Variants in CDH8 observed in about 807,000 individuals in gnomAD.
The protein encoded by CDH8 is cadherin-8.
In CDH8, 17 loss-of-function variants were observed where a neutral mutation model predicts 68.1. That is an observed-to-expected ratio of 0.25 (90% CI 0.17 to 0.37). The LOEUF (loss-of-function observed/expected upper bound fraction) is 0.37. Ranked by LOEUF, CDH8 falls within the 10% of genes least tolerant of loss-of-function variation. CDH8 has a pLI of 1.00. For synonymous variants in CDH8, 372 were observed against 365.1 expected, an observed-to-expected ratio of 1.02 and a Z score of -0.21; for missense variants, 763 against 999.3, an observed-to-expected ratio of 0.76 and a Z score of 3.19.
chr16:61,917,349 G>A (rs963542358), intron 2 of CDH8, among the ~76,000 whole-genome samples: 2 of 152,126 alleles, frequency 1.3e-5, no homozygotes, highest in Non-Finnish European at 2.9e-5. Flanking sequence ...TGATGGGAAT[G>A]CAACATCCTG....
chr16:61,816,372 A>G (rs538368461), intron 7 of CDH8, among the ~76,000 whole-genome samples: 20 of 152,320 alleles, frequency 1.3e-4, no homozygotes, highest in African/African-American at 3.8e-4. Context: ...TTTTTTAAAA[A>G]ATCGAATAAA....
chr16:61,952,375 A>G (rs1964912074), intron 2 of CDH8, among the ~76,000 whole-genome samples: 1 of 152,158 alleles, frequency 6.6e-6, no homozygotes, highest in Non-Finnish European at 1.5e-5. Flanking sequence ...TACTTATGGC[A>G]TTTGTGTTGC....
rs548475934 is a variant in CDH8 at position 61,909,262 on chromosome 16, CATGCCCAA to C, written c.253-7797_253-7790del. 1.2e-4 allele frequency among the ~76,000 whole-genome samples: 19 copies of C among 152,200 alleles called. No individual in the cohort carries two copies. In the South Asian group the frequency reaches 3.5e-3, roughly 28 times the overall value. ...GCCCAGAGAAATAGAAAATTGAAAACATGCCCAAATGAACTGCTGTTTTTGGCTGTGGA... is the reference window on the plus strand; with the variant it reads ...GCCCAGAGAAATAGAAAATTGAAAACATGAACTGCTGTTTTTGGCTGTGGA... On this transcript the variant is annotated intron_variant, in intron 2 of 11. Transcript: ENST00000577390.
chr16:62,003,646 T>TCA (rs1965929391), intron 2 of CDH8, among the ~76,000 whole-genome samples: 2 of 152,328 alleles, frequency 1.3e-5, no homozygotes, highest in South Asian at 4.1e-4. Flanking sequence ...CTACTGTGTC[T>TCA]CACGTCACTG....
intron 2 of CDH8, among the ~76,000 whole-genome samples, chr16:61,959,639 CAGAA>C (rs1435967152): frequency 2.0e-5 from 3 of 150,424 alleles, no homozygotes; most frequent in Non-Finnish European, 4.4e-5. Flanking sequence ...CACACATACA[CAGAA>C]AGAGACAGAG....
At chr16:61,846,532 G>C (rs1962809887) in intron 4 of CDH8, among the ~76,000 whole-genome samples, 1 of 152,026 alleles carries the variant, frequency 6.6e-6, no homozygotes. Context: ...CTTTTCCTTT[G>C]TCCAGACTCC....
chr16:61,904,779 T>C (rs1428247664), intron 2 of CDH8, among the ~76,000 whole-genome samples: 3 of 152,206 alleles, frequency 2.0e-5, no homozygotes, highest in East Asian at 3.9e-4. Flanking sequence ...GTGAAACATA[T>C]AAAACACAGA....
intron 10 of CDH8, among the ~76,000 whole-genome samples, chr16:61,701,658 T>G (rs1451277241): frequency 1.3e-5 from 2 of 152,206 alleles, no homozygotes; most frequent in Non-Finnish European, 2.9e-5. Context: ...TGAGTTTCAA[T>G]CATTAGCAAG....
At chr16:61,702,715 T>G (rs958219426) in intron 10 of CDH8, among the ~76,000 whole-genome samples, 1 of 152,192 alleles carries the variant, frequency 6.6e-6, no homozygotes, top group Non-Finnish European at 1.5e-5. Flanking sequence ...TTGTGAAAAT[T>G]ATAAAATAAA....
chr16:61,919,833 C>G (rs528432992), intron 2 of CDH8, among the ~76,000 whole-genome samples: 2 of 152,144 alleles, frequency 1.3e-5, no homozygotes, highest in Non-Finnish European at 1.5e-5. Context: ...GGAGGCCTCA[C>G]GCTACCTGAC....
chr16:61,658,889 CAGTG>C (rs1159121925), intron 10 of CDH8, among the ~76,000 whole-genome samples: 4 of 151,984 alleles, frequency 2.6e-5, no homozygotes, highest in Non-Finnish European at 4.4e-5. Context: ...CAATATATGT[CAGTG>C]AAATGTTTTT....
chr16:61,860,817 A>G (rs1963136897), intron 3 of CDH8, among the ~76,000 whole-genome samples: 1 of 152,188 alleles, frequency 6.6e-6, no homozygotes, highest in Non-Finnish European at 1.5e-5. Context: ...TTCACAGAGA[A>G]AAAAACATAT....
intron 10 of CDH8, chr16:61,693,519 T>C (rs1257234775): frequency 6.6e-6 from 1 of 152,142 alleles, no homozygotes; most frequent in Non-Finnish European, 1.5e-5. Context: ...TTGCTAAGGG[T>C]AAACCATTTA....
chr16:61,847,874 C>T (rs1052541901), intron 4 of CDH8, among the ~76,000 whole-genome samples: 1 of 147,262 alleles, frequency 6.8e-6, no homozygotes, highest in Non-Finnish European at 1.5e-5. Flanking sequence ...TATCTACCAA[C>T]TATCCTACAC....
rs911575639 is a variant in CDH8, at chr16:61,720,950, T to A, written c.1536+6144A>T. On this transcript the variant is annotated intron_variant, in intron 9 of 11. Transcript: ENST00000577390. The stretch of plus-strand genomic sequence containing the variant: ...AAATACCACTGAAAATTGCAAGTAT[T>A]TATTTAGTATGTATTTGTATATCTA... 3.3e-5 allele frequency among the ~76,000 whole-genome samples: 5 copies of A among 150,754 alleles called. No homozygotes were observed. The East Asian group carries it at 9.7e-4, about 29-fold the overall frequency.
intron 2 of CDH8, among the ~76,000 whole-genome samples, chr16:62,005,776 T>C (rs1332706075): frequency 6.7e-6 from 1 of 149,014 alleles, no homozygotes; most frequent in African/African-American, 2.5e-5. Context: ...AGGGAGGAAG[T>C]CTATTATTAA....
At chr16:61,680,142 A>G (rs1009064555) in intron 10 of CDH8, among the ~76,000 whole-genome samples, 4 of 151,898 alleles carry the variant, frequency 2.6e-5, no homozygotes, top group Non-Finnish European at 5.9e-5. Context: ...TGTTCTCCTC[A>G]CTACATCCTG....
intron 10 of CDH8, among the ~76,000 whole-genome samples, chr16:61,663,661 A>G (rs980100666): frequency 2.0e-5 from 3 of 151,960 alleles, no homozygotes; most frequent in African/African-American, 7.2e-5. Context: ...CTGATTCATT[A>G]GAACTAAGAA....
chr16:61,706,802 A>G (rs1349366520), intron 10 of CDH8, among the ~76,000 whole-genome samples: 1 of 152,152 alleles, frequency 6.6e-6, no homozygotes, highest in Non-Finnish European at 1.5e-5. Flanking sequence ...TTTAGCATAC[A>G]AGACTTTCAT....
Sources: gnomAD v4.1 joint callset for allele counts (sites outside exome capture counted in the v4.1 genomes callset) on GRCh38, gnomAD v4.1.1 for gene constraint, MANE v1.5 for transcripts, NCBI Gene and HGNC (gene_info 2026-07-23, HGNC 2026-07-21) for gene names.